Variants in EIF4G3 observed in about 807,000 individuals in gnomAD.
The protein encoded by EIF4G3 is eIF-4-gamma 3.
Under a neutral mutation model 186.4 loss-of-function variants are expected in EIF4G3, and 34 were observed. The ratio of observed to expected loss-of-function variants is 0.18; its 90% CI spans 0.14 to 0.24. The LOEUF (loss-of-function observed/expected upper bound fraction) is 0.24, where lower values mean the gene tolerates loss of function less well. Ranked by LOEUF, EIF4G3 falls within the 10% of genes least tolerant of loss-of-function variation. EIF4G3 has a pLI of 1.00. For missense variants in EIF4G3, 1,536 were observed against 1,948.5 expected (o/e 0.79, Z 3.99); for synonymous variants, 673 against 679.5 (o/e 0.99, Z 0.15).
At chr1:21,052,615 C>G (rs2094294036) in intron 3 of EIF4G3, among the ~76,000 whole-genome samples, 2 of 152,074 alleles carry the variant, frequency 1.3e-5, no homozygotes, top group African/African-American at 4.8e-5. Flanking sequence ...TTTCCACGGT[C>G]TCCCCCTGAT....
intron 2 of EIF4G3, among the ~76,000 whole-genome samples, chr1:21,116,225 T>C (rs1425580303): frequency 6.6e-6 from 1 of 152,200 alleles, no homozygotes; most frequent in Non-Finnish European, 1.5e-5. Context: ...ATAACATATC[T>C]GAAATAAATT....
intron 3 of EIF4G3, among the ~76,000 whole-genome samples, chr1:21,076,917 GA>G (rs1203093493): frequency 1.3e-5 from 2 of 151,992 alleles, no homozygotes; most frequent in Non-Finnish European, 2.9e-5. Flanking sequence ...TCTAAAAAGA[GA>G]AAAAAGCAAA....
At chr1:20,851,194 CTTTT>C in intron 28 of EIF4G3, 60 bp downstream of exon 28, 2 of 1,500,882 alleles carry the variant, frequency 1.3e-6, no homozygotes, top group Non-Finnish European at 1.8e-6. Context: ...GGCACAGTCT[CTTTT>C]TTATTTTTCC....
intron 2 of EIF4G3, among the ~76,000 whole-genome samples, chr1:21,132,322 A>T (rs2097167110): frequency 1.3e-5 from 2 of 152,160 alleles, no homozygotes; most frequent in Non-Finnish European, 2.9e-5. Flanking sequence ...AATGCTCTGG[A>T]GGAGCATTTT....
In EIF4G3 at chr1:20,982,376, G is replaced by A. The variant is rs957834193; in HGVS notation, c.198+12C>T. Reference sequence around the variant, plus strand: ...GTTATAAAGAGGCCATGCAGAACCAGTAGTTTGTTACCTGGATAGGTCTGA... The same window carrying A: ...GTTATAAAGAGGCCATGCAGAACCAATAGTTTGTTACCTGGATAGGTCTGA... On this transcript the variant is annotated intron_variant, in intron 8 of 36. Transcript: ENST00000602326. 1 of 1,522,168 alleles carries A rather than the reference G, an allele frequency of 6.6e-7. No homozygotes were observed. Among genetic ancestry groups the A allele is most frequent in the Non-Finnish European group, 8.8e-7 (1 of 1,141,188 alleles). 94.3% of individuals were successfully genotyped at this position (1,522,168 alleles called of 1,614,324 possible).
intron 14 of EIF4G3, among the ~76,000 whole-genome samples, chr1:20,940,866 G>A (rs2095685918): frequency 6.6e-6 from 1 of 152,024 alleles, no homozygotes; most frequent in South Asian, 2.1e-4. Flanking sequence ...TTTGAACTGG[G>A]AAGAATATAA....
intron 10 of EIF4G3, among the ~76,000 whole-genome samples, chr1:20,975,087 T>C (rs2076591853): frequency 6.6e-6 from 1 of 152,084 alleles, no homozygotes. Flanking sequence ...CTGAATCAGA[T>C]TTGGAAAAGA....
At chr1:21,117,736 T>TAAAAAAAAAAAAACAAAAAAAAAAAAAA (rs2096850545) in intron 2 of EIF4G3, among the ~76,000 whole-genome samples, 1 of 73,088 alleles carries the variant, frequency 1.4e-5, no homozygotes, top group Non-Finnish European at 2.6e-5. Context: ...CAGTATATAG[T>TAAAAAAAAAAAAACAAAAAAAAAAAAAA]AAAAAAAAAA....
At position 20,813,292 on chromosome 1, in the gene EIF4G3, A is replaced by G; in HGVS notation, c.4516-53T>C. 3.0e-6 allele frequency: 4 copies of G among 1,350,110 alleles called. No individual in the cohort carries two copies. In the South Asian group the frequency reaches 3.6e-5, roughly 12 times the overall value. The allele number at this position is 1,350,110 out of a possible 1,614,324, so 83.6% of individuals were successfully genotyped here. A position where few individuals can be genotyped will look rare whatever the true frequency, so the allele number is the denominator to read the frequency against. ...AAAGATACCTTGCTCAGCCAGGCAC[A>G]GAGGCTCATGCCTGTAATCCCAACA... On this transcript the variant is annotated intron_variant, in intron 34 of 36. Coordinates refer to ENST00000602326, the MANE Select transcript of EIF4G3 (RefSeq NM_001391906.1).
rs570977386 is a variant in EIF4G3, at chr1:21,027,823, A to AG, written c.-67+23042dup. Among the ~76,000 whole-genome samples the AG allele has an allele frequency of 8.9e-4, 136 of 152,292 alleles. 4 individuals are homozygous for AG. The South Asian group carries it at 0.018, about 20-fold the overall frequency. ...ATAAATGAAAACGAGGTCTTAAGGG[A>AG]GTTCTTTGTACATCCACATTCATAT... On this transcript the variant is annotated intron_variant, in intron 4 of 36. Transcript: ENST00000602326.
intron 2 of EIF4G3, among the ~76,000 whole-genome samples, chr1:21,132,665 C>T (rs569641386): frequency 1.4e-4 from 22 of 152,138 alleles, no homozygotes; most frequent in Non-Finnish European, 2.2e-4. Flanking sequence ...GTGTCAAACT[C>T]CTGGGCTCAA....
At chr1:20,867,427 T>C (rs1233209515) in intron 20 of EIF4G3, among the ~76,000 whole-genome samples, 1 of 152,146 alleles carries the variant, frequency 6.6e-6, no homozygotes, top group Non-Finnish European at 1.5e-5. Context: ...AAATAGCTGG[T>C]GAAAAGGGAG....
chr1:20,971,128 A>G (rs1334083036), intron 11 of EIF4G3, among the ~76,000 whole-genome samples: 1 of 152,164 alleles, frequency 6.6e-6, no homozygotes, highest in Admixed American at 6.5e-5. Flanking sequence ...GGTGCTGTAA[A>G]GGAGGTAAGT....
chr1:20,989,648 G>T (rs1324860230), intron 7 of EIF4G3, among the ~76,000 whole-genome samples: 2 of 150,324 alleles, frequency 1.3e-5, no homozygotes, highest in Admixed American at 6.6e-5. Flanking sequence ...AACAAATGAG[G>T]ACTGGCTTCA....
At chr1:20,876,625 G>A (rs1374215645) in intron 20 of EIF4G3, among the ~76,000 whole-genome samples, 4 of 152,090 alleles carry the variant, frequency 2.6e-5, no homozygotes, top group Non-Finnish European at 5.9e-5. Flanking sequence ...TTAACTGGCT[G>A]GGGCTGCAAG....
At position 21,174,073 on chromosome 1, in the gene EIF4G3, A is replaced by G. The variant is rs149506001; in HGVS notation, c.-272+2102T>C. On this transcript the variant is annotated intron_variant, in intron 2 of 36. Transcript: ENST00000602326. ...CAGTGTGTAAAAGCAAAGAGAAAAC[A>G]ATAAGAGCTGTGAAACACATCAAGA... is the stretch of plus-strand genomic sequence containing the variant. 1.1e-3 allele frequency among the ~76,000 whole-genome samples: 160 copies of G among 152,342 alleles called. 1 individual carries two copies. The highest frequency in any genetic ancestry group is 0.01 in the Middle Eastern group (3 of 294).
intron 19 of EIF4G3, 48 bp downstream of exon 19, chr1:20,886,153 A>C (rs1306498371): frequency 6.4e-7 from 1 of 1,556,320 alleles, no homozygotes; most frequent in Admixed American, 2.0e-5. Context: ...AGTTAAAACA[A>C]AATCAATATA....
At chr1:20,984,585 TA>T (rs1558568507) in intron 7 of EIF4G3, among the ~76,000 whole-genome samples, 3 of 120,572 alleles carry the variant, frequency 2.5e-5, no homozygotes, top group African/African-American at 9.2e-5. Context: ...CACACACACA[TA>T]TATACACTTT....
intron 3 of EIF4G3, among the ~76,000 whole-genome samples, chr1:21,081,451 CTTGA>C (rs1198708336): frequency 6.6e-6 from 1 of 151,798 alleles, no homozygotes; most frequent in African/African-American, 2.4e-5. Context: ...TATATATGTG[CTTGA>C]TTCTTTTTTT....
Sources: gnomAD v4.1 joint callset for allele counts (sites outside exome capture counted in the v4.1 genomes callset) on GRCh38, gnomAD v4.1.1 for gene constraint, MANE v1.5 for transcripts, NCBI Gene and HGNC (gene_info 2026-07-23, HGNC 2026-07-21) for gene names.